CCSAP: variants seen among roughly 807,000 people sequenced by gnomAD.
The protein encoded by CCSAP is centriole, cilia and spindle-associated protein.
In CCSAP, 17 loss-of-function variants were observed where a neutral mutation model predicts 25.9. The ratio of observed to expected loss-of-function variants is 0.66; its 90% confidence interval spans 0.45 to 0.99. The LOEUF is 0.99. Ranked by LOEUF, CCSAP falls within the 50% of genes least tolerant of loss-of-function variation. The probability of loss-of-function intolerance (pLI) is 0.00; values close to 1 mark genes in which losing one functional copy is unlikely to be tolerated. For synonymous variants in CCSAP, 169 were observed against 157.1 expected (o/e 1.08, Z -0.57); for missense variants, 339 against 367.8 (o/e 0.92, Z 0.64).
chr1:229,340,686 G>A (rs1658310306), intron 2 of CCSAP: 1 of 399,948 alleles, frequency 2.5e-6, no homozygotes, highest in East Asian at 3.8e-5. Flanking sequence ...ATCATGATGG[G>A]AGGAGGCAGC....
chr1:229,338,538 A>AATACAC (rs112991384), intron 2 of CCSAP, among the ~76,000 whole-genome samples: 28 of 141,820 alleles, frequency 2.0e-4, no homozygotes, highest in African/African-American at 7.1e-4. Flanking sequence ...CCCAAACCCC[A>AATACAC]ACACACACAC....
At chr1:229,341,726 CTG>C (rs1360613915) in intron 2 of CCSAP, among the ~76,000 whole-genome samples, 6 of 152,074 alleles carry the variant, frequency 3.9e-5, no homozygotes, top group African/African-American at 1.4e-4. Context: ...CTGATTAAAG[CTG>C]GGGCTCCTCT....
Position 229,326,836 on chromosome 1 carries a change from T to C in CCSAP, c.538A>G (p.Asn180Asp), listed in dbSNP as rs1657951284. 6.2e-7 allele frequency: 1 copy of C among 1,614,062 alleles called. No homozygotes were observed. The highest frequency in any genetic ancestry group is 1.3e-5 in the African/African-American group (1 of 74,926). The part of the protein sequence containing the change: ...PQRSSSKIKE[N>D]KHPFALYGWG... ...CCATAAAGAGCAAATGGATGCTTGT[T>C]TTCTTTTATTTTACTCGATGATCTT... Residue 180 changes from asparagine (N) to aspartate (D), a missense_variant, in exon 3 of 4, where the codon AAC becomes GAC. Transcript: ENST00000284617.
chr1:229,338,538 A>AAT (rs112991384), intron 2 of CCSAP, among the ~76,000 whole-genome samples: 1 of 141,820 alleles, frequency 7.1e-6, no homozygotes, highest in African/African-American at 2.6e-5. Flanking sequence ...CCCAAACCCC[A>AAT]ACACACACAC....
chr1:229,324,958 G>C lies in CCSAP; in HGVS notation c.*277C>G. On this transcript the variant is annotated 3_prime_UTR_variant, in exon 4 of 4. Transcript: ENST00000284617. ...TGGTGTCAGTATCTTAAAAGATTAA[G>C]ATGCTTTAAAACAAAAACCTTATAA... 1 of 278,800 alleles carries C rather than the reference G, an allele frequency of 3.6e-6. No homozygotes were observed. Among genetic ancestry groups the C allele is most frequent in the Non-Finnish European group, 6.8e-6 (1 of 147,644 alleles). 17.3% of individuals were successfully genotyped at this position (278,800 alleles called of 1,614,324 possible). A position where few individuals can be genotyped will look rare whatever the true frequency, so the allele number is the denominator to read the frequency against.
Position 229,323,722 on chromosome 1 carries a change from A to G in CCSAP, c.*1513T>C, listed in dbSNP as rs1049804928. The G allele has an allele frequency of 1.3e-5, 2 of 152,210 alleles. No individual in the cohort carries two copies. Among genetic ancestry groups the G allele is most frequent in the African/African-American group, 4.8e-5 (2 of 41,454 alleles). The allele number at this position is 152,210 out of a possible 1,614,324, so 9.4% of individuals were successfully genotyped here. On this transcript the variant is annotated 3_prime_UTR_variant, in exon 4 of 4. Transcript: ENST00000284617. ...TTTAAAAAGTTTTTTTAAGCTCACA[A>G]TACTTCAGTATGTGTTTTCAAAGCT...
rs887812167 is a variant in CCSAP at position 229,329,085 on chromosome 1, C to G, written c.368-2079G>C. Among the ~76,000 whole-genome samples the G allele has an allele frequency of 9.2e-5, 14 of 152,194 alleles. 1 individual carries two copies. The highest frequency in any genetic ancestry group is 3.4e-4 in the African/African-American group (14 of 41,436). ...TTAAGAAGAGGAGGAAAGAAGAGAT[C>G]ATCAGGACCAAGACTAAAGGGAAAG... On this transcript the variant is annotated intron_variant, in intron 2 of 3. Transcript: ENST00000284617.
intron 2 of CCSAP, among the ~76,000 whole-genome samples, chr1:229,332,594 A>G (rs919954944): frequency 1.3e-5 from 2 of 152,260 alleles, no homozygotes; most frequent in Non-Finnish European, 2.9e-5. Flanking sequence ...GTGGAAGATT[A>G]CAATGCCCCT....
intron 2 of CCSAP, among the ~76,000 whole-genome samples, chr1:229,331,726 T>C (rs1239146360): frequency 1.3e-5 from 2 of 151,908 alleles, no homozygotes; most frequent in Non-Finnish European, 2.9e-5. Flanking sequence ...TGGAAGCTTC[T>C]CACCCCTTTC....
At chr1:229,341,447 G>A (rs1475404325) in intron 2 of CCSAP, among the ~76,000 whole-genome samples, 1 of 152,184 alleles carries the variant, frequency 6.6e-6, no homozygotes, top group Non-Finnish European at 1.5e-5. Context: ...AAGGTGAAGG[G>A]GCCATGCCTT....
chr1:229,340,494 CAAT>C, intron 2 of CCSAP: 1 of 709,602 alleles, frequency 1.4e-6, no homozygotes, highest in South Asian at 1.5e-5. Flanking sequence ...CCATCACAAA[CAAT>C]AAAAGATCGG....
intron 2 of CCSAP, chr1:229,340,752 C>A (rs1658311382): frequency 7.2e-6 from 2 of 277,228 alleles, no homozygotes; most frequent in Admixed American, 5.3e-5. Flanking sequence ...AAGAGCAAAG[C>A]AACCCGGCTC....
intron 2 of CCSAP, among the ~76,000 whole-genome samples, chr1:229,336,608 C>A (rs572426550): frequency 6.6e-6 from 1 of 152,048 alleles, no homozygotes; most frequent in African/African-American, 2.4e-5. Flanking sequence ...AACAGGCATC[C>A]CCCGTGCACA....
In CCSAP at chr1:229,342,254, C is replaced by T. The variant is rs367794347; in HGVS notation, c.212G>A (p.Gly71Asp). ...GGGCGGGGCGCACCGGGGTGCGGGG[C>T]CCCCGGCGCCCGACGACTCTGACGA... ...SASSESSGAG[G>D]PAPRCAPPSP... The change falls in exon 2 of 4, where the codon GGC becomes GAC. Residue 71 changes from glycine (G) to aspartate (D), a missense_variant. Physicochemically the swap from Gly to Asp is moderately conservative, Grantham distance 94. Coordinates refer to ENST00000284617, the MANE Select transcript of CCSAP (RefSeq NM_145257.5). This position sits in a 1 kb window ranked among gnomAD's most constrained non-coding sequence, Gnocchi z 7.5. 7.0e-6 allele frequency: 9 copies of T among 1,276,886 alleles called. No individual in the cohort carries two copies. Among genetic ancestry groups the T allele is most frequent in the East Asian group, 3.1e-5 (1 of 31,824 alleles). The allele number at this position is 1,276,886 out of a possible 1,614,324, so 79.1% of individuals were successfully genotyped here.
In CCSAP at chr1:229,326,726, C is replaced by T. The variant is rs376796450; in HGVS notation, c.636+12G>A. ...CAAAGGGAACACAGAACCACAAGGG[C>T]CCAGAGCGCACCTCGTGCACAGGAG... On this transcript the variant is annotated intron_variant, in intron 3 of 3. Transcript: ENST00000284617. 3.7e-6 allele frequency: 6 copies of T among 1,613,350 alleles called. No homozygotes were observed. The highest frequency in any genetic ancestry group is 1.3e-5 in the African/African-American group (1 of 74,998).
intron 3 of CCSAP, among the ~76,000 whole-genome samples, chr1:229,326,051 G>A (rs1172898359): frequency 6.6e-6 from 1 of 152,154 alleles, no homozygotes; most frequent in African/African-American, 2.4e-5. Context: ...TTCCTTAAAC[G>A]CAGCCTTTGC....
In CCSAP at chr1:229,323,131, A is replaced by G. The variant is rs764704968; in HGVS notation, c.*2104T>C. The G allele has an allele frequency of 6.6e-6, 1 of 152,262 alleles. No individual in the cohort carries two copies. Among genetic ancestry groups the G allele is most frequent in the African/African-American group, 2.4e-5 (1 of 41,468 alleles). The allele number at this position is 152,262 out of a possible 1,614,324, so 9.4% of individuals were successfully genotyped here. On this transcript the variant is annotated 3_prime_UTR_variant, in exon 4 of 4. Coordinates refer to ENST00000284617, the MANE Select transcript of CCSAP (RefSeq NM_145257.5). ...CTTGGATGTAAGATGAAGGCTTACA[A>G]TTCATACTGATTTATTAACCATTCA...
In CCSAP at chr1:229,342,026, G is replaced by T; in HGVS notation, c.367+73C>A. On this transcript the variant is annotated intron_variant, in intron 2 of 3. Coordinates refer to ENST00000284617, the MANE Select transcript of CCSAP (RefSeq NM_145257.5). This position sits in a 1 kb window ranked among gnomAD's most constrained non-coding sequence, Gnocchi z 7.5. ...GCCCCGAGTGGCGCAAGAAATAAGAGATCAGCTGCTCAGAGCTTAGAGCAA... is the reference window on the plus strand; with the variant it reads ...GCCCCGAGTGGCGCAAGAAATAAGATATCAGCTGCTCAGAGCTTAGAGCAA... 1 of 1,268,712 alleles carries T rather than the reference G, an allele frequency of 7.9e-7. No individual in the cohort carries two copies. The highest frequency in any genetic ancestry group is 3.3e-5 in the Admixed American group (1 of 30,170). 78.6% of individuals were successfully genotyped at this position (1,268,712 alleles called of 1,614,324 possible).
chr1:229,338,489 G>A (rs1477349985), intron 2 of CCSAP, among the ~76,000 whole-genome samples: 3 of 151,416 alleles, frequency 2.0e-5, no homozygotes, highest in Non-Finnish European at 4.4e-5. Context: ...TATTGGCTAT[G>A]GGAGGAAAAG....
Sources: gnomAD v4.1 joint callset for allele counts (sites outside exome capture counted in the v4.1 genomes callset) on GRCh38, gnomAD v4.1.1 for gene constraint, Gnocchi (gnomAD v3.1) non-coding constraint, MANE v1.5 for transcripts, NCBI Gene and HGNC (gene_info 2026-07-23, HGNC 2026-07-21) for gene names.